Variants in CSGALNACT1 observed in about 807,000 individuals in gnomAD.
CSGALNACT1 encodes beta4GalNAcT-1.
CSGALNACT1 carries 52 observed loss-of-function variants against 51.0 expected under a neutral mutation model. The observed-to-expected ratio is 1.02, with a 90% confidence interval of 0.82 to 1.29. The LOEUF (loss-of-function observed/expected upper bound fraction) is 1.29, where lower values mean the gene tolerates loss of function less well. Among genes scored for constraint, CSGALNACT1 ranks in the 50% most tolerant of loss-of-function variants. The pLI, the probability that CSGALNACT1 is intolerant of heterozygous loss-of-function variation, is 0.00. For synonymous variants in CSGALNACT1, 341 were observed against 254.4 expected, an observed-to-expected ratio of 1.34 and a Z score of -3.24; for missense variants, 935 against 679.2, an observed-to-expected ratio of 1.38 and a Z score of -4.19.
intron 3 of CSGALNACT1, among the ~76,000 whole-genome samples, chr8:19,540,513 T>G (rs973558266): frequency 1.3e-4 from 20 of 152,310 alleles, no homozygotes; most frequent in Admixed American, 3.9e-4. Context: ...ATGCTTGCAC[T>G]GGGATTATAA....
At chr8:19,513,319 C>G (rs9644631) in intron 3 of CSGALNACT1, among the ~76,000 whole-genome samples, 1 of 150,476 alleles carries the variant, frequency 6.6e-6, no homozygotes, top group African/African-American at 2.4e-5. Flanking sequence ...CAAAATGTAA[C>G]GGAAGACACA....
exon 4 of CSGALNACT1, chr8:19,505,580 C>T (rs1194269300): frequency 6.2e-7 from 1 of 1,614,048 alleles, no homozygotes; most frequent in Non-Finnish European, 8.5e-7. Flanking sequence ...TCTCCTGCAG[C>T]TCCTCCTTGA....
chr8:19,457,880 T>C (rs1010943289), intron 5 of CSGALNACT1: 5 of 1,069,742 alleles, frequency 4.7e-6, no homozygotes, highest in African/African-American at 1.6e-5. Context: ...TGAAACCTTC[T>C]TGGTATAATT....
At chr8:19,419,032 G>C (rs1195765834) in intron 7 of CSGALNACT1, among the ~76,000 whole-genome samples, 1 of 152,078 alleles carries the variant, frequency 6.6e-6, no homozygotes. Flanking sequence ...TTTTAGTAGA[G>C]ATGGGGTTTC....
At chr8:19,629,778 G>C (rs969876347) in intron 1 of CSGALNACT1, among the ~76,000 whole-genome samples, 2 of 152,140 alleles carry the variant, frequency 1.3e-5, no homozygotes, top group South Asian at 2.1e-4. Flanking sequence ...TCTTTCAGGA[G>C]CTCCATTTTG....
At chr8:19,602,568 C>G (rs957142549), upstream of CSGALNACT1, 2 of 152,320 alleles carry the variant, frequency 1.3e-5, no homozygotes, top group South Asian at 2.1e-4. Context: ...CCAGGGAACA[C>G]GACACCCAAG....
intron 4 of CSGALNACT1, among the ~76,000 whole-genome samples, chr8:19,490,243 C>T (rs2074062515): frequency 6.6e-6 from 1 of 152,200 alleles, no homozygotes; most frequent in South Asian, 2.1e-4. Context: ...AGATGGAAGG[C>T]TGCACACGAG....
At chr8:19,419,391 T>C (rs1370715358) in intron 7 of CSGALNACT1, among the ~76,000 whole-genome samples, 1 of 152,286 alleles carries the variant, frequency 6.6e-6, no homozygotes, top group East Asian at 1.9e-4. Flanking sequence ...TGGGATCATC[T>C]TAAATGGTTG....
intron 1 of CSGALNACT1, among the ~76,000 whole-genome samples, chr8:19,752,253 G>A (rs990170674): frequency 1.3e-5 from 2 of 149,396 alleles, no homozygotes; most frequent in African/African-American, 4.9e-5. Context: ...CCTTTCCTAT[G>A]CTCCAGACAC....
chr8:19,421,446 A>G (rs1394846125), intron 6 of CSGALNACT1, among the ~76,000 whole-genome samples: 1 of 152,208 alleles, frequency 6.6e-6, no homozygotes, highest in Non-Finnish European at 1.5e-5. Context: ...TCTACCAGAT[A>G]ATACTAGAGA....
chr8:19,513,408 C>CTCTG (rs2078829683), intron 3 of CSGALNACT1, among the ~76,000 whole-genome samples: 1 of 59,052 alleles, frequency 1.7e-5, no homozygotes, highest in Admixed American at 2.3e-4. Flanking sequence ...AGAATTTTCT[C>CTCTG]TCTCTCACTC....
chr8:19,665,241 A>G (rs911014388), intron 1 of CSGALNACT1, among the ~76,000 whole-genome samples: 2 of 152,220 alleles, frequency 1.3e-5, no homozygotes, highest in Non-Finnish European at 2.9e-5. Flanking sequence ...ATCAAAGAAA[A>G]AAATACCATT....
chr8:19,409,933 C>T (rs2055307226), intron 8 of CSGALNACT1, among the ~76,000 whole-genome samples: 1 of 152,148 alleles, frequency 6.6e-6, no homozygotes, highest in Admixed American at 6.5e-5. Flanking sequence ...TCAGCTTTCA[C>T]ATCCAAGTGT....
intron 4 of CSGALNACT1, among the ~76,000 whole-genome samples, chr8:19,484,862 C>G (rs148224382): frequency 1.1e-3 from 172 of 152,172 alleles, no homozygotes; most frequent in African/African-American, 3.9e-3. Context: ...TTTGGACACA[C>G]AGGAGAGACA....
intron 1 of CSGALNACT1, among the ~76,000 whole-genome samples, chr8:19,622,279 G>A (rs976771200): frequency 3.3e-5 from 5 of 152,198 alleles, no homozygotes; most frequent in Non-Finnish European, 7.3e-5. Context: ...ATATATCCAT[G>A]TTTGAAGGTT....
intron 3 of CSGALNACT1, among the ~76,000 whole-genome samples, chr8:19,541,553 A>ATTTTTT (rs1159626193): frequency 0.025 from 1,773 of 70,070 alleles, 453 homozygotes; most frequent in African/African-American, 0.11. Context: ...TGCTCAGCCA[A>ATTTTTT]TTTTTTTTTT....
intron 3 of CSGALNACT1, among the ~76,000 whole-genome samples, chr8:19,532,428 T>G (rs990330737): frequency 6.6e-6 from 1 of 152,218 alleles, no homozygotes; most frequent in Non-Finnish European, 1.5e-5. Context: ...AAGCCTTTTA[T>G]GTCTGTCTTC....
chr8:19,491,270 A>G (rs900145259), intron 4 of CSGALNACT1, among the ~76,000 whole-genome samples: 1 of 152,208 alleles, frequency 6.6e-6, no homozygotes, highest in African/African-American at 2.4e-5. Flanking sequence ...CGATACCGCA[A>G]AATTTTACCA....
chr8:19,438,576 G>C (rs979394073), intron 6 of CSGALNACT1, among the ~76,000 whole-genome samples: 1 of 152,160 alleles, frequency 6.6e-6, no homozygotes, highest in Non-Finnish European at 1.5e-5. Flanking sequence ...AGCAGGGATG[G>C]GCACAATTTG....
Sources: allele counts gnomAD v4.1 joint callset (sites outside exome capture counted in the v4.1 genomes callset), GRCh38; gene constraint gnomAD v4.1.1; transcripts MANE v1.5; gene names NCBI Gene and HGNC (gene_info 2026-07-23, HGNC 2026-07-21).